The following LIPM variants were observed in gnomAD, a reference collection of about 807,000 sequenced individuals.
LIPM encodes the protein lipase family member M, also known as lipase member M.
LIPM carries 42 observed loss-of-function variants against 42.4 expected under a neutral mutation model. The ratio of observed to expected loss-of-function variants is 0.99; its 90% CI spans 0.77 to 1.28. The LOEUF is 1.28. LIPM is among the 50% of genes most tolerant of loss of function. LIPM has a pLI of 0.00. For missense variants in LIPM, 524 were observed against 520.1 expected (o/e 1.01, Z -0.07); for synonymous variants, 177 against 173.3 (o/e 1.02, Z -0.17).
chr10:88,815,562 T>C (rs984909007), intron 6 of LIPM, 59 bp downstream of exon 6: 2 of 1,486,734 alleles, frequency 1.3e-6, no homozygotes, highest in African/African-American at 2.8e-5. Context: ...GTCATATGGC[T>C]CACCCCTGGA....
chr10:88,808,453 T>G, intron 2 of LIPM, 38 bp downstream of exon 2: 1 of 1,144,440 alleles, frequency 8.7e-7, no homozygotes, highest in Non-Finnish European at 1.3e-6. Flanking sequence ...ACAGCAGTCT[T>G]CTCTGCAGTC....
chr10:88,803,903 A>G (rs1485336277), intron 1 of LIPM, among the ~76,000 whole-genome samples: 1 of 152,204 alleles, frequency 6.6e-6, no homozygotes, highest in African/African-American at 2.4e-5. Flanking sequence ...ATAATTATAA[A>G]TACTACGCAA....
At chr10:88,815,664 C>T (rs771800221) in intron 6 of LIPM, among the ~76,000 whole-genome samples, 161 bp downstream of exon 6, 8 of 152,132 alleles carry the variant, frequency 5.3e-5, no homozygotes, top group Non-Finnish European at 8.8e-5. Context: ...GGAAATGCTT[C>T]AGTATGGACT....
intron 8 of LIPM, 70 bp from the exon 9 acceptor site, chr10:88,820,162 T>C: frequency 7.8e-7 from 1 of 1,278,112 alleles, no homozygotes. Context: ...ATTATGTCTA[T>C]TTGAAACATA....
intron 7 of LIPM, among the ~76,000 whole-genome samples, chr10:88,817,260 C>A (rs181272143): frequency 8.5e-5 from 13 of 152,302 alleles, no homozygotes; most frequent in Non-Finnish European, 1.6e-4. Flanking sequence ...AATGTGGGGT[C>A]TGTCAAAAGA....
chr10:88,805,455 C>CT (rs1362892370), intron 1 of LIPM, among the ~76,000 whole-genome samples: 4 of 152,134 alleles, frequency 2.6e-5, no homozygotes, highest in African/African-American at 7.2e-5. Context: ...TAAACATTGA[C>CT]TTTTTTATAC....
chr10:88,818,001 T>C, intron 8 of LIPM, 105 bp downstream of exon 8: 1 of 921,172 alleles, frequency 1.1e-6, no homozygotes, highest in Non-Finnish European at 1.7e-6. Flanking sequence ...AATATGAAAA[T>C]TTAAGCAGAA....
At chr10:88,816,157 C>A (rs1843716316) in intron 6 of LIPM, among the ~76,000 whole-genome samples, 1 of 152,092 alleles carries the variant, frequency 6.6e-6, no homozygotes, top group Non-Finnish European at 1.5e-5. Context: ...TCTTTATACA[C>A]CATATCAGTC....
chr10:88,805,840 G>A (rs1194835108), intron 1 of LIPM: 3 of 386,226 alleles, frequency 7.8e-6, no homozygotes, highest in South Asian at 1.9e-5. Context: ...ATCATCGCCT[G>A]TGGAAAGGAA....
At chr10:88,812,593 ATTAT>A in intron 2 of LIPM, among the ~76,000 whole-genome samples, 1 of 152,144 alleles carries the variant, frequency 6.6e-6, no homozygotes. Flanking sequence ...ATGGGATATA[ATTAT>A]TTACTATAAT....
At chr10:88,808,951 A>G (rs1589313241) in intron 2 of LIPM, among the ~76,000 whole-genome samples, 1 of 138,646 alleles carries the variant, frequency 7.2e-6, no homozygotes, top group African/African-American at 2.9e-5. Context: ...ATTTTATTTT[A>G]TTTTATTTTA....
At chr10:88,818,770 G>A (rs139674654) in intron 8 of LIPM, among the ~76,000 whole-genome samples, 124 of 152,292 alleles carry the variant, frequency 8.1e-4, no homozygotes, top group African/African-American at 2.6e-3. Flanking sequence ...ACTGTGCAGT[G>A]CCCCTGGATA....
intron 4 of LIPM, 95 bp from the exon 5 acceptor site, chr10:88,814,993 T>C: frequency 8.8e-7 from 1 of 1,135,878 alleles, no homozygotes; most frequent in Non-Finnish European, 1.2e-6. Context: ...CAGTCACATA[T>C]ATACTTATTG....
intron 1 of LIPM, chr10:88,805,794 GA>G: frequency 3.2e-6 from 1 of 308,488 alleles, no homozygotes. Flanking sequence ...CTCTGAGGCA[GA>G]ATTCATACAA....
intron 1 of LIPM, among the ~76,000 whole-genome samples, chr10:88,807,841 G>T (rs1287212063): frequency 6.6e-6 from 1 of 152,128 alleles, no homozygotes; most frequent in Non-Finnish European, 1.5e-5. Context: ...ACCTGAAGTG[G>T]GCTCAAGACT....
rs1416704056 is a variant in LIPM, at chr10:88,820,519, A to G, written c.*18A>G. On this transcript the variant is annotated 3_prime_UTR_variant, in exon 9 of 9. Coordinates refer to ENST00000404743, the MANE Select transcript of LIPM (RefSeq NM_001128215.1). The stretch of plus-strand genomic sequence containing the variant: ...TATTGTGAAGCATCTGACACTGACG[A>G]TCTTAGGACAACCTCCTGAGGGATG... The G allele has an allele frequency of 1.3e-6, 2 of 1,543,904 alleles. No homozygotes were observed. The highest frequency in any genetic ancestry group is 2.4e-5 in the East Asian group (1 of 40,890).
At chr10:88,813,866 G>A (rs1843684617) in intron 3 of LIPM, among the ~76,000 whole-genome samples, 2 of 152,120 alleles carry the variant, frequency 1.3e-5, no homozygotes, top group South Asian at 4.1e-4. Context: ...AAAGGGGGAA[G>A]AGCCCTTTAT....
At chr10:88,820,148 G>A (rs1016514631) in intron 8 of LIPM, 84 bp from the exon 9 acceptor site, 23 of 1,154,040 alleles carry the variant, frequency 2.0e-5, no homozygotes, top group Middle Eastern at 4.4e-4. Context: ...CAGATGGCAT[G>A]TTTATTATGT....
chr10:88,813,300 A>G lies in LIPM; in HGVS notation c.464+5A>G, dbSNP rs768552594. 5.3e-5 allele frequency: 83 copies of G among 1,574,074 alleles called. No individual in the cohort carries two copies. The South Asian group carries it at 9.3e-4, about 18-fold the overall frequency. ...AGATGAGTTCTGGGCTTTCAGGTATATGATAATCTCGAGAACAGAGGTAGA... is the reference window on the plus strand; with the variant it reads ...AGATGAGTTCTGGGCTTTCAGGTATGTGATAATCTCGAGAACAGAGGTAGA... On this transcript the variant is annotated splice_donor_5th_base_variant and intron_variant, in intron 3 of 8. Transcript: ENST00000404743.
Sources: allele counts gnomAD v4.1 joint callset (sites outside exome capture counted in the v4.1 genomes callset), GRCh38; gene constraint gnomAD v4.1.1; transcripts MANE v1.5; gene names NCBI Gene and HGNC (gene_info 2026-07-23, HGNC 2026-07-21).